Variants in ARHGAP35 observed in about 807,000 individuals in gnomAD.
ARHGAP35 encodes rho GTPase-activating protein 35.
A neutral mutation model predicts 111.1 loss-of-function variants in ARHGAP35; 15 were observed. The observed-to-expected ratio is 0.13, with a 90% CI of 0.09 to 0.21. The LOEUF (loss-of-function observed/expected upper bound fraction) is 0.21, where lower values mean the gene tolerates loss of function less well. ARHGAP35 is among the 10% of genes least tolerant of loss of function. The pLI, the probability that ARHGAP35 is intolerant of heterozygous loss-of-function variation, is 1.00. For synonymous variants in ARHGAP35, 643 were observed against 710.3 expected (o/e 0.91, Z 1.51); for missense variants, 1,262 against 1,873.0 (o/e 0.67, Z 6.02).
chr19:46,978,705 A>ATATGTGTGTGTGGTGGGGTG, intron 3 of ARHGAP35, among the ~76,000 whole-genome samples: 3 of 21,574 alleles, frequency 1.4e-4, no homozygotes, highest in African/African-American at 1.8e-4. Context: ...GTGGTGGGGC[A>ATATGTGTGTGTGGTGGGGTG]TGTGTGTGGT....
At position 46,920,308 on chromosome 19, in the gene ARHGAP35, C is replaced by T. The variant is rs2056190774; in HGVS notation, c.1633C>T (p.Leu545=). 2 of 1,613,948 alleles carry T rather than the reference C, an allele frequency of 1.2e-6. No homozygotes were observed. The highest frequency in any genetic ancestry group is 1.3e-5 in the African/African-American group (1 of 75,008). The change falls in exon 2 of 7, where the codon CTG becomes TTG. Residue 545 remains leucine (L), a synonymous_variant. Transcript: ENST00000672722. This position sits in a 1 kb window ranked among gnomAD's most constrained non-coding sequence, Gnocchi z 7.0. ...KLQAERDALI[L]KHIHFVYHPT... ...CCAAGCAGAGCGTGATGCCCTTATTCTGAAACACATTCATTTTGTGTACCA... is the reference window on the plus strand; with the variant it reads ...CCAAGCAGAGCGTGATGCCCTTATTTTGAAACACATTCATTTTGTGTACCA...
chr19:46,869,803 G>C (rs72626218), intron 1 of ARHGAP35, among the ~76,000 whole-genome samples: 5,051 of 152,126 alleles, frequency 0.033, 163 homozygotes, highest in East Asian at 0.16. Flanking sequence ...TATTTCACTG[G>C]GAATAGCGTA....
rs2056767447 is a variant in ARHGAP35, at chr19:47,004,936, G to C, written c.*4248G>C. On this transcript the variant is annotated 3_prime_UTR_variant, in exon 7 of 7. Transcript: ENST00000672722. ...TGAAGGCTGAGGCATCTCTGACTGA[G>C]GTGTTTTTGTTTGGTTTTGTTTTTT... 1 of 152,170 alleles carries C rather than the reference G, an allele frequency of 6.6e-6. No individual in the cohort carries two copies. The highest frequency in any genetic ancestry group is 2.1e-4 in the South Asian group (1 of 4,828). The allele number at this position is 152,170 out of a possible 1,614,324, so 9.4% of individuals were successfully genotyped here. A position where few individuals can be genotyped will look rare whatever the true frequency, so the allele number is the denominator to read the frequency against.
chr19:46,876,172 G>A (rs1312927997), intron 1 of ARHGAP35, among the ~76,000 whole-genome samples: 3 of 151,708 alleles, frequency 2.0e-5, no homozygotes, highest in Non-Finnish European at 2.9e-5. Context: ...TATTAGTGCT[G>A]CACTACCTGG....
At chr19:46,949,581 C>T (rs536273909) in intron 3 of ARHGAP35, among the ~76,000 whole-genome samples, 14 of 152,142 alleles carry the variant, frequency 9.2e-5, no homozygotes, top group Admixed American at 1.3e-4. Flanking sequence ...CCATTTGTAC[C>T]GTGAACTCGT....
intron 1 of ARHGAP35, among the ~76,000 whole-genome samples, chr19:46,870,252 A>G (rs1336398383): frequency 6.6e-6 from 1 of 150,408 alleles, no homozygotes. Flanking sequence ...CCCGGCTTGT[A>G]TACTTTTTTT....
At chr19:46,867,013 T>G (rs899379505) in intron 1 of ARHGAP35, among the ~76,000 whole-genome samples, 3 of 152,182 alleles carry the variant, frequency 2.0e-5, no homozygotes, top group African/African-American at 7.2e-5. Context: ...TCCCAAAACT[T>G]TTGATCCAGT....
rs1419660266 is a variant in ARHGAP35 at position 46,929,662 on chromosome 19, C to T, written c.3681+7306C>T. Among the ~76,000 whole-genome samples, 2 of 148,550 alleles carry T rather than the reference C, an allele frequency of 1.3e-5. 1 individual carries two copies. The highest frequency in any genetic ancestry group is 3.0e-5 in the Non-Finnish European group (2 of 67,556). On this transcript the variant is annotated intron_variant, in intron 2 of 6. Coordinates refer to ENST00000672722, the MANE Select transcript of ARHGAP35 (RefSeq NM_004491.5). ...GGCACAGTGGCTCACACCTGTAATCCCAGCACTTTGGGAGGCCGAGGTGGG... is the reference window on the plus strand; with the variant it reads ...GGCACAGTGGCTCACACCTGTAATCTCAGCACTTTGGGAGGCCGAGGTGGG...
chr19:46,921,761 T>C lies in ARHGAP35; in HGVS notation c.3086T>C (p.Phe1029Ser). Residue 1029 changes from phenylalanine to serine, a missense_variant, in exon 2 of 7, where the codon TTT becomes TCT. Transcript: ENST00000672722. The surrounding 1 kb of genome is among the most constrained non-coding windows in gnomAD (Gnocchi z 4.3). ...GGGCTGTCTTTCATTATGAGCAATT[T>C]TGAGAGTAAACTGAACAACAAAGTA... The part of the protein sequence containing the change: ...NDGLSFIMSN[F>S]ESKLNNKVPP... 6.2e-7 allele frequency: 1 copy of C among 1,613,992 alleles called. No individual in the cohort carries two copies.
rs768125502 is a variant in ARHGAP35, at chr19:46,880,832, T to G, written c.-189+19623T>G. Among the ~76,000 whole-genome samples the G allele has an allele frequency of 1.8e-4, 27 of 151,746 alleles. 1 individual carries two copies. Among genetic ancestry groups the G allele is most frequent in the Admixed American group, 5.3e-4 (8 of 15,232 alleles). On this transcript the variant is annotated intron_variant, in intron 1 of 6. Transcript: ENST00000672722. ...CTGAGACTACAGGCACATGCTGCCATGCTGGACTAATTTTTGTTTTTTTTT... is the reference window on the plus strand; with the variant it reads ...CTGAGACTACAGGCACATGCTGCCAGGCTGGACTAATTTTTGTTTTTTTTT...
In ARHGAP35 at chr19:46,921,027, T is replaced by G. The variant is rs540715917; in HGVS notation, c.2352T>G (p.Ile784Met). ...ATTTGGCTGATGTTGATCTGCGAAT[T>G]GTTATGTGTCTGATGTGTGGAGATC... is the stretch of plus-strand genomic sequence containing the variant. ...IKDLADVDLR[I>M]VMCLMCGDPF... Residue 784 changes from isoleucine to methionine, a missense_variant, in exon 2 of 7, where the codon ATT (isoleucine) becomes ATG (methionine). Ile to Met is a conservative substitution (Grantham distance 10). Transcript: ENST00000672722. The surrounding 1 kb of genome is among the most constrained non-coding windows in gnomAD (Gnocchi z 4.3). 2.5e-6 allele frequency: 4 copies of G among 1,614,040 alleles called. No homozygotes were observed. In the Admixed American group the frequency reaches 5.0e-5, roughly 20 times the overall value.
intron 3 of ARHGAP35, among the ~76,000 whole-genome samples, chr19:46,968,376 G>C (rs1339346821): frequency 6.6e-6 from 1 of 152,172 alleles, no homozygotes; most frequent in Non-Finnish European, 1.5e-5. Flanking sequence ...TGGGTCAGCA[G>C]AGCAGGAGGG....
intron 1 of ARHGAP35, among the ~76,000 whole-genome samples, chr19:46,877,925 C>T (rs1003809024): frequency 2.0e-5 from 3 of 152,116 alleles, no homozygotes; most frequent in African/African-American, 7.2e-5. Flanking sequence ...CCAAGCTGGT[C>T]TCGAACTCCT....
At chr19:46,946,349 G>C (rs1054624252) in intron 3 of ARHGAP35, among the ~76,000 whole-genome samples, 2 of 152,164 alleles carry the variant, frequency 1.3e-5, no homozygotes, top group Non-Finnish European at 2.9e-5. Context: ...GAGGACCTCA[G>C]TGTCAGTAAA....
chr19:46,895,360 T>C (rs1334068150), intron 1 of ARHGAP35, among the ~76,000 whole-genome samples: 1 of 151,988 alleles, frequency 6.6e-6, no homozygotes, highest in African/African-American at 2.4e-5. Flanking sequence ...GAGGCGGGGT[T>C]TCACCGTGTT....
chr19:46,939,776 G>A (rs1436490221), intron 3 of ARHGAP35, among the ~76,000 whole-genome samples: 1 of 152,058 alleles, frequency 6.6e-6, no homozygotes, highest in Non-Finnish European at 1.5e-5. Flanking sequence ...TAGAACCACT[G>A]TGCATTTATC....
At chr19:46,987,921 C>T (rs554725298) in intron 3 of ARHGAP35, 68 bp from the exon 4 acceptor site, 37 of 1,505,286 alleles carry the variant, frequency 2.5e-5, no homozygotes, top group South Asian at 1.3e-4. Context: ...TCCTTGTCTT[C>T]GAGCCCAGCC....
chr19:46,953,111 A>G (rs1276553653), intron 3 of ARHGAP35, among the ~76,000 whole-genome samples: 1 of 152,236 alleles, frequency 6.6e-6, no homozygotes, highest in East Asian at 1.9e-4. Context: ...ACTATGTGCC[A>G]TGCACTGTTT....
rs1205058662 is a variant in ARHGAP35, at chr19:47,003,241, G to C, written c.*2553G>C. The C allele has an allele frequency of 6.6e-6, 1 of 152,330 alleles. No individual in the cohort carries two copies. The allele number at this position is 152,330 out of a possible 1,614,324, so 9.4% of individuals were successfully genotyped here. Reference sequence around the variant, plus strand: ...ATGGGAGCCACAGAGGAGCGTCCCTGGGGATTGTTGGGACCATGCTGCCCC... The same window carrying C: ...ATGGGAGCCACAGAGGAGCGTCCCTCGGGATTGTTGGGACCATGCTGCCCC... On this transcript the variant is annotated 3_prime_UTR_variant, in exon 7 of 7. Coordinates refer to ENST00000672722, the MANE Select transcript of ARHGAP35 (RefSeq NM_004491.5).
Sources: allele counts gnomAD v4.1 joint callset (sites outside exome capture counted in the v4.1 genomes callset), GRCh38; gene constraint gnomAD v4.1.1; non-coding constraint Gnocchi (gnomAD v3.1); transcripts MANE v1.5; gene names NCBI Gene and HGNC (gene_info 2026-07-23, HGNC 2026-07-21).